Variants in SLC4A4 observed in about 807,000 individuals in gnomAD.
SLC4A4 encodes electrogenic sodium bicarbonate cotransporter 1.
SLC4A4 carries 27 observed loss-of-function variants against 111.5 expected under a neutral mutation model. The observed-to-expected ratio is 0.24, with a 90% CI of 0.18 to 0.33. SLC4A4 has a LOEUF of 0.33. Among genes scored for constraint, SLC4A4 ranks in the 10% least tolerant of loss-of-function variants. The pLI is 1.00. For synonymous variants in SLC4A4, 443 were observed against 463.4 expected (o/e 0.96, Z 0.57); for missense variants, 909 against 1,315.5 (o/e 0.69, Z 4.78).
chr4:71,484,234 A>T (rs992145457), intron 14 of SLC4A4, among the ~76,000 whole-genome samples: 1 of 151,884 alleles, frequency 6.6e-6, no homozygotes. Context: ...CATCTTTGTC[A>T]TGAAATCTTT....
At chr4:71,445,089 A>G (rs1280957766) in intron 8 of SLC4A4, among the ~76,000 whole-genome samples, 1 of 152,222 alleles carries the variant, frequency 6.6e-6, no homozygotes, top group Non-Finnish European at 1.5e-5. Context: ...CTGAACCAAT[A>G]TAATTCTCAT....
At position 71,472,818 on chromosome 4, in the gene SLC4A4, C is replaced by T. The variant is rs1379009107; in HGVS notation, c.1751C>T (p.Thr584Met). ...SFLVQYFTRFTEEGFSSLISF... is the reference protein window; with the variant it reads ...SFLVQYFTRFMEEGFSSLISF... ...TTGGTTCAATACTTCACACGTTTCA[C>T]GGAGGAGGGCTTTTCCTCTCTGATT... is the stretch of plus-strand genomic sequence containing the variant. Residue 584 changes from threonine (T) to methionine (M), a missense_variant, in exon 14 of 26, where the codon ACG (threonine) becomes ATG (methionine). Coordinates refer to ENST00000264485, the MANE Select transcript of SLC4A4 (RefSeq NM_001098484.3). The T allele has an allele frequency of 5.0e-6, 8 of 1,612,898 alleles. No homozygotes were observed. Among genetic ancestry groups the T allele is most frequent in the Non-Finnish European group, 5.1e-6 (6 of 1,179,378 alleles).
chr4:71,303,138 T>C (rs1725400550), intron 3 of SLC4A4, among the ~76,000 whole-genome samples: 1 of 152,198 alleles, frequency 6.6e-6, no homozygotes, highest in Admixed American at 6.5e-5. Flanking sequence ...GTAGTGATCT[T>C]AAGTTATATA....
intron 2 of SLC4A4, among the ~76,000 whole-genome samples, chr4:71,254,806 G>T (rs1186042149): frequency 6.6e-6 from 1 of 152,118 alleles, no homozygotes; most frequent in Non-Finnish European, 1.5e-5. Context: ...GGCTGAAACT[G>T]GAGGGCCCTC....
intron 7 of SLC4A4, among the ~76,000 whole-genome samples, chr4:71,400,682 T>G (rs1459064421): frequency 6.6e-6 from 1 of 152,274 alleles, no homozygotes; most frequent in South Asian, 2.1e-4. Context: ...AAGGTACAGG[T>G]ACAGAAATCA....
Position 71,456,744 on chromosome 4 carries a change from A to G in SLC4A4, c.1497+3075A>G, listed in dbSNP as rs578226344. ...TTGAATCCCAGTTATAGTGTAGGGT[A>G]TTGATGAAAACAGTCTTTTTCAGTC... On this transcript the variant is annotated intron_variant, in intron 12 of 25. Transcript: ENST00000264485. Among the ~76,000 whole-genome samples the G allele has an allele frequency of 4.6e-5, 7 of 152,310 alleles. No individual in the cohort carries two copies. The South Asian group carries it at 1.5e-3, about 32-fold the overall frequency.
intron 8 of SLC4A4, among the ~76,000 whole-genome samples, chr4:71,441,111 T>A (rs1048147567): frequency 6.6e-6 from 1 of 152,200 alleles, no homozygotes; most frequent in Non-Finnish European, 1.5e-5. Flanking sequence ...TCCAAGGTCA[T>A]ACAGTTAGTA....
chr4:71,226,731 T>A (rs1204055896), intron 1 of SLC4A4, among the ~76,000 whole-genome samples: 1 of 152,138 alleles, frequency 6.6e-6, no homozygotes, highest in Admixed American at 6.5e-5. Context: ...TTGTTTGAAA[T>A]ACACATTCAG....
chr4:71,172,262 T>C (rs927615400), intron 2 of SLC4A4, among the ~76,000 whole-genome samples: 1 of 150,624 alleles, frequency 6.6e-6, no homozygotes, highest in African/African-American at 2.4e-5. Context: ...TTTCTTTCTT[T>C]TTTTTTTTTT....
At chr4:71,365,706 G>A (rs1731188003) in intron 6 of SLC4A4, among the ~76,000 whole-genome samples, 2 of 152,216 alleles carry the variant, frequency 1.3e-5, no homozygotes, top group African/African-American at 4.8e-5. Flanking sequence ...TCTGTCTTTA[G>A]TGTTTTCCAA....
intron 7 of SLC4A4, among the ~76,000 whole-genome samples, chr4:71,434,104 G>GT (rs1723891359): frequency 6.6e-6 from 1 of 151,932 alleles, no homozygotes; most frequent in Non-Finnish European, 1.5e-5. Context: ...ATAAACACTG[G>GT]TTTTAGAACC....
intron 1 of SLC4A4, among the ~76,000 whole-genome samples, chr4:71,210,894 T>C (rs1718098556): frequency 6.6e-6 from 1 of 152,222 alleles, no homozygotes. Context: ...AGAGCTGAAC[T>C]GGAGGCATGC....
chr4:71,477,770 G>C (rs1247855717), intron 14 of SLC4A4, among the ~76,000 whole-genome samples: 1 of 151,804 alleles, frequency 6.6e-6, no homozygotes, highest in Non-Finnish European at 1.5e-5. Flanking sequence ...TCTGTCCTCT[G>C]TCCTTTTTTA....
chr4:71,425,465 G>C (rs1172435688), intron 7 of SLC4A4, among the ~76,000 whole-genome samples: 2 of 152,080 alleles, frequency 1.3e-5, no homozygotes, highest in Non-Finnish European at 2.9e-5. Flanking sequence ...CTCCTGTCTT[G>C]TGTAAACCAA....
Position 71,532,167 on chromosome 4 carries a change from G to C in SLC4A4, c.2272G>C (p.Glu758Gln), listed in dbSNP as rs140846842. Residue 758 changes from glutamate (E) to glutamine (Q), a missense_variant, in exon 17 of 26, where the codon GAG (glutamate) becomes CAG (glutamine). This residue lies in a region of SLC4A4 where 264 missense variants were observed against 356.8 expected (regional missense o/e 0.74). Coordinates refer to ENST00000264485, the MANE Select transcript of SLC4A4 (RefSeq NM_001098484.3). Reference sequence around the variant, plus strand: ...CACCCCAAAACTAATTGTGCCAAGTGAGTTCAAGGTAGGTGAATGTCTATC... The same window carrying C: ...CACCCCAAAACTAATTGTGCCAAGTCAGTTCAAGGTAGGTGAATGTCTATC... ...VDTPKLIVPSEFKPTSPNRGW... is the reference protein window; with the variant it reads ...VDTPKLIVPSQFKPTSPNRGW... The C allele has an allele frequency of 9.0e-4, 1,418 of 1,581,618 alleles. 8 individuals carry two copies. The African/African-American group carries it at 0.017, about 19-fold the overall frequency.
rs777668991 is a variant in SLC4A4 at position 71,350,010 on chromosome 4, C to T, written c.488C>T (p.Thr163Ile). 1 of 1,614,040 alleles carries T rather than the reference C, an allele frequency of 6.2e-7. No individual in the cohort carries two copies. Among genetic ancestry groups the T allele is most frequent in the Non-Finnish European group, 8.5e-7 (1 of 1,179,976 alleles). Residue 163 changes from threonine to isoleucine, a missense_variant, in exon 5 of 26, where the codon ACA becomes ATA. By Grantham distance (89) the Thr-to-Ile change is moderately conservative. This residue lies in a region of SLC4A4 where 312 missense variants were observed against 402.0 expected (regional missense o/e 0.78). Coordinates refer to ENST00000264485, the MANE Select transcript of SLC4A4 (RefSeq NM_001098484.3). ...LSLHSLFELR[T>I]CMEKGSIMLD... is the part of the protein sequence containing the mutation. ...CTTCATAGTTTATTTGAGCTGAGGA[C>T]ATGTATGGAGAAAGGATCCATCATG...
chr4:71,562,953 C>A (rs28405930), intron 23 of SLC4A4, among the ~76,000 whole-genome samples: 1,553 of 151,562 alleles, frequency 0.01, 24 homozygotes, highest in African/African-American at 0.036. Context: ...AACTAAAAAC[C>A]ATCTTTTTGG....
chr4:71,451,380 T>A, intron 11 of SLC4A4, 79 bp downstream of exon 11: 1 of 936,078 alleles, frequency 1.1e-6, no homozygotes, highest in Non-Finnish European at 1.8e-6. Context: ...AACATATTAT[T>A]CACTAGTTTG....
At chr4:71,566,150 T>A (rs1047598837) in intron 24 of SLC4A4, among the ~76,000 whole-genome samples, 3 of 151,970 alleles carry the variant, frequency 2.0e-5, no homozygotes, top group South Asian at 2.1e-4. Flanking sequence ...TTACCTTTGG[T>A]GTCCAGTTTG....
Sources: allele counts gnomAD v4.1 joint callset (sites outside exome capture counted in the v4.1 genomes callset), GRCh38; gene constraint gnomAD v4.1.1; regional missense constraint gnomAD v4.1.1; transcripts MANE v1.5; gene names NCBI Gene and HGNC (gene_info 2026-07-23, HGNC 2026-07-21).